The following NBPF20 variants were observed in gnomAD, a reference collection of about 807,000 sequenced individuals.
NBPF20 encodes the protein NBPF family member NBPF20.
NBPF20 carries 90 observed loss-of-function variants against 68.1 expected under a neutral mutation model. That is an observed-to-expected ratio of 1.32 (90% CI 1.11 to 1.58). NBPF20 has a LOEUF of 1.58. Among genes scored for constraint, NBPF20 ranks in the 40% most tolerant of loss-of-function variants. NBPF20 has a pLI of 0.00. For missense variants in NBPF20, 816 were observed against 601.2 expected, an observed-to-expected ratio of 1.36 and a Z score of -3.74; for synonymous variants, 290 against 228.1, an observed-to-expected ratio of 1.27 and a Z score of -2.45.
At chr1:145,401,105 C>T (rs1662502416) in exon 5 of NBPF20, 4 of 1,607,592 alleles carry the variant, frequency 2.5e-6, no homozygotes, top group African/African-American at 2.7e-5. Flanking sequence ...TCAACTTGAA[C>T]ATCTTCATCG....
chr1:145,292,660 GTTT>G (rs1558962632), intron 136 of NBPF20, among the ~76,000 whole-genome samples, 171 bp from the exon 142 acceptor site: 1 of 147,596 alleles, frequency 6.8e-6, no homozygotes, highest in East Asian at 1.9e-4. Flanking sequence ...AACTTCCTCG[GTTT>G]TTCTCCCAGA....
intron 8 of NBPF20, 118 bp from the exon 14 acceptor site, chr1:145,394,053 A>G: frequency 1.4e-6 from 1 of 733,298 alleles, no homozygotes; most frequent in Non-Finnish European, 2.5e-6. Context: ...AGAACAGGAG[A>G]CTTTGAGAGA....
At chr1:145,400,493 G>T in exon 6 of NBPF20, 5 of 1,613,046 alleles carry the variant, frequency 3.1e-6, no homozygotes, top group Non-Finnish European at 4.2e-6. Flanking sequence ...TTTCCTATGT[G>T]GCTGGTTGGA....
rs1296037289 is a variant in NBPF20, at chr1:145,338,030, C to G, written c.9546-221G>C. ...AGACACACACACACACACACACACA[C>G]ACACACACACACACACACACACAGA... is the stretch of plus-strand genomic sequence containing the variant. On this transcript the variant is annotated intron_variant, in intron 79 of 137. Coordinates refer to ENST00000369373, the Ensembl canonical transcript of NBPF20. Among the ~76,000 whole-genome samples the G allele has an allele frequency of 1.1e-4, 10 of 94,516 alleles. No homozygotes were observed. The East Asian group carries it at 1.6e-3, about 15-fold the overall frequency. 62.0% of individuals were successfully genotyped at this position (94,516 alleles called of 152,430 possible). A position where few individuals can be genotyped will look rare whatever the true frequency, so the allele number is the denominator to read the frequency against.
chr1:145,292,206 A>C (rs1661162755), intron 137 of NBPF20, among the ~76,000 whole-genome samples, 175 bp downstream of exon 142: 1 of 149,648 alleles, frequency 6.7e-6, no homozygotes, highest in African/African-American at 2.6e-5. Flanking sequence ...GTAAAAGATA[A>C]GGGGAGGAAG....
intron 5 of NBPF20, 40 bp downstream of exon 10, chr1:145,401,019 T>A (rs1206123186): frequency 5.9e-6 from 9 of 1,528,662 alleles, no homozygotes; most frequent in South Asian, 1.1e-5. Flanking sequence ...ATTCCTCATA[T>A]GTTACCATCC....
chr1:145,377,667 G>A (rs1174854399), intron 29 of NBPF20, among the ~76,000 whole-genome samples: 5 of 141,412 alleles, frequency 3.5e-5, no homozygotes, highest in Non-Finnish European at 4.6e-5. Context: ...AGAGGAGAAA[G>A]TGAGCTCAGC....
At chr1:145,418,084 A>C in the NBPF20 span, among the ~76,000 whole-genome samples, 1 of 136,800 alleles carries the variant, frequency 7.3e-6, no homozygotes, top group East Asian at 2.2e-4. Flanking sequence ...AAAGTACATA[A>C]TGCTAGAAAG....
the NBPF20 span, among the ~76,000 whole-genome samples, chr1:145,422,910 G>C: frequency 1.4e-5 from 2 of 147,388 alleles, no homozygotes; most frequent in South Asian, 4.5e-4. Context: ...GATCGCTTGA[G>C]CCAGGAGGTG....
the NBPF20 span, among the ~76,000 whole-genome samples, chr1:145,412,500 C>T: frequency 1.9e-3 from 295 of 152,006 alleles, 6 homozygotes; most frequent in East Asian, 0.012. Context: ...GGAAACAAGG[C>T]AATATTTTGC....
At chr1:145,400,934 A>G (rs1476257945) in intron 5 of NBPF20, 125 bp downstream of exon 10, 7 of 1,192,986 alleles carry the variant, frequency 5.9e-6, no homozygotes, top group Non-Finnish European at 8.7e-6. Flanking sequence ...GCTGGGTTAT[A>G]TTTCACATAC....
chr1:145,393,458 A>AACACACACACACAC (rs370259133), intron 9 of NBPF20, among the ~76,000 whole-genome samples: 33 of 145,268 alleles, frequency 2.3e-4, no homozygotes, highest in African/African-American at 7.7e-4. Context: ...CACACACACA[A>AACACACACACACAC]ACACACACAC....
intron 7 of NBPF20, among the ~76,000 whole-genome samples, chr1:145,396,588 A>C (rs1378441116): frequency 6.6e-6 from 1 of 151,808 alleles, no homozygotes; most frequent in Non-Finnish European, 1.5e-5. Flanking sequence ...AAAAATGCTA[A>C]GGGCAGCCAG....
At position 145,291,641 on chromosome 1, in the gene NBPF20, T is replaced by A. The variant is rs374768804; in HGVS notation, c.16826A>T (p.Tyr5609Phe). 56 of 1,611,850 alleles carry A rather than the reference T, an allele frequency of 3.5e-5. 1 individual carries two copies. The Middle Eastern group carries it at 6.8e-4, about 19-fold the overall frequency. The change falls in exon 138 of 138, where the codon TAC (tyrosine) becomes TTC (phenylalanine). Residue 5609 changes from tyrosine (Y) to phenylalanine (F), a missense_variant. Coordinates refer to ENST00000369373, the Ensembl canonical transcript of NBPF20. ...GCTGATGTGCTGTTCCTCAAATGAG[T>A]AAAACACACTTCTGTAGTGCTGGAA...
chr1:145,406,083 T>G, upstream of NBPF20, among the ~76,000 whole-genome samples: 1 of 143,912 alleles, frequency 6.9e-6, no homozygotes, highest in Non-Finnish European at 1.5e-5. Context: ...CACGCCCGGC[T>G]AATTTTTTTT....
chr1:145,398,287 A>T (rs1257274191), intron 7 of NBPF20, among the ~76,000 whole-genome samples: 2 of 151,672 alleles, frequency 1.3e-5, no homozygotes, highest in Non-Finnish European at 2.9e-5. Flanking sequence ...CATTCTTCTC[A>T]GCACCACATC....
rs587746615 is a variant in NBPF20, at chr1:145,292,647, T to A, written c.16589-158A>T. Among the ~76,000 whole-genome samples, 3 of 148,308 alleles carry A rather than the reference T, an allele frequency of 2.0e-5. 1 individual carries two copies. Among genetic ancestry groups the A allele is most frequent in the African/African-American group, 7.8e-5 (3 of 38,282 alleles). On this transcript the variant is annotated intron_variant, in intron 136 of 137. Coordinates refer to ENST00000369373, the Ensembl canonical transcript of NBPF20. ...CAGGAGGCCTGAAGGCTGTTCATGA[T>A]AGAACTTCCTCGGTTTTTCTCCCAG...
At chr1:145,404,257 ATC>A (rs1373685193) in intron 2 of NBPF20, among the ~76,000 whole-genome samples, 1 of 120,184 alleles carries the variant, frequency 8.3e-6, no homozygotes, top group Non-Finnish European at 1.7e-5. Context: ...TGATTTATTT[ATC>A]TTTTTGTTTG....
At chr1:145,400,550 T>G in exon 6 of NBPF20, 4 of 1,612,680 alleles carry the variant, frequency 2.5e-6, no homozygotes, top group Non-Finnish European at 3.4e-6. Flanking sequence ...ACATTCCTCC[T>G]GTGAGTCCTC....
Sources: gnomAD v4.1 joint callset for allele counts (sites outside exome capture counted in the v4.1 genomes callset) on GRCh38, gnomAD v4.1.1 for gene constraint, MANE v1.5 for transcripts, NCBI Gene and HGNC (gene_info 2026-07-23, HGNC 2026-07-21) for gene names.